Variants in PHTF1 observed in about 807,000 individuals in gnomAD.
The protein encoded by PHTF1 is protein PHTF1.
In PHTF1, 88 loss-of-function variants were observed where a neutral mutation model predicts 102.4. The ratio of observed to expected loss-of-function variants is 0.86; its 90% CI spans 0.72 to 1.03. The LOEUF (loss-of-function observed/expected upper bound fraction) is 1.03, where lower values mean the gene tolerates loss of function less well. Among genes scored for constraint, PHTF1 ranks in the 50% least tolerant of loss-of-function variants. The pLI is 0.00. For missense variants in PHTF1, 814 were observed against 909.5 expected (o/e 0.89, Z 1.35); for synonymous variants, 289 against 305.2 (o/e 0.95, Z 0.55).
intron 3 of PHTF1, among the ~76,000 whole-genome samples, chr1:113,739,437 T>C (rs1255445823): frequency 6.6e-6 from 1 of 152,008 alleles, no homozygotes; most frequent in East Asian, 1.9e-4. Flanking sequence ...AACTTCCATC[T>C]TTTTTTTGCT....
chr1:113,715,962 G>C (rs1651949769), intron 7 of PHTF1, among the ~76,000 whole-genome samples: 1 of 151,948 alleles, frequency 6.6e-6, no homozygotes, highest in Admixed American at 6.6e-5. Flanking sequence ...ACACCTAAAA[G>C]ATCTGGAAAA....
intron 3 of PHTF1, among the ~76,000 whole-genome samples, chr1:113,745,283 T>C (rs901492292): frequency 2.0e-5 from 3 of 151,976 alleles, no homozygotes; most frequent in Admixed American, 6.6e-5. Flanking sequence ...GTTTTAAGTA[T>C]GAGAAAAATA....
intron 15 of PHTF1, among the ~76,000 whole-genome samples, chr1:113,703,445 G>A (rs1333088928): frequency 2.0e-5 from 3 of 152,170 alleles, no homozygotes; most frequent in Non-Finnish European, 4.4e-5. Context: ...TACAGGAGGG[G>A]GTTTCTAGGG....
intron 10 of PHTF1, 144 bp from the exon 11 acceptor site, chr1:113,710,619 T>G (rs1650923935): frequency 4.7e-6 from 3 of 639,862 alleles, no homozygotes; most frequent in Non-Finnish European, 8.1e-6. Flanking sequence ...TCACAGGGCT[T>G]CACGTAACAA....
intron 3 of PHTF1, among the ~76,000 whole-genome samples, chr1:113,744,683 A>T (rs978378096): frequency 6.6e-6 from 1 of 152,190 alleles, no homozygotes; most frequent in East Asian, 1.9e-4. Context: ...AACACATATG[A>T]TCATGCCTGC....
chr1:113,697,471 T>C lies in PHTF1; in HGVS notation c.*234A>G, dbSNP rs1648921668. On this transcript the variant is annotated 3_prime_UTR_variant, in exon 19 of 19. Transcript: ENST00000369604. Reference sequence around the variant, plus strand: ...TTACCACAACACACACAGTCTTTAGTCAGCTGACTATTCATGTTGTTTGAA... The same window carrying C: ...TTACCACAACACACACAGTCTTTAGCCAGCTGACTATTCATGTTGTTTGAA... 1 of 455,114 alleles carries C rather than the reference T, an allele frequency of 2.2e-6. No homozygotes were observed. Among genetic ancestry groups the C allele is most frequent in the Admixed American group, 3.9e-5 (1 of 25,760 alleles). The allele number at this position is 455,114 out of a possible 1,614,324, so 28.2% of individuals were successfully genotyped here.
intron 3 of PHTF1, among the ~76,000 whole-genome samples, chr1:113,751,775 G>T (rs545424880): frequency 1.3e-5 from 2 of 152,312 alleles, no homozygotes; most frequent in South Asian, 4.1e-4. Flanking sequence ...CATGTGAGAA[G>T]TACATATTTA....
At position 113,724,870 on chromosome 1, in the gene PHTF1, C is replaced by T. The variant is rs781401874; in HGVS notation, c.512G>A (p.Gly171Asp). The T allele has an allele frequency of 6.2e-7, 1 of 1,600,134 alleles. No individual in the cohort carries two copies. The highest frequency in any genetic ancestry group is 8.5e-7 in the Non-Finnish European group (1 of 1,174,548). ...ATTTCCATTTTCTCGGCTCCCATCA[C>T]CATTTACAGTTTTTCGTAATTTTCT... ...RRRKLRKTVN[G>D]DGSRENGNNS... Residue 171 changes from glycine (G) to aspartate (D), a missense_variant, in exon 7 of 19, where the codon GGT becomes GAT. Gly to Asp is a moderately conservative substitution (Grantham distance 94, BLOSUM62 -1). Transcript: ENST00000369604.
chr1:113,717,959 A>G (rs1381311058), intron 7 of PHTF1, among the ~76,000 whole-genome samples: 1 of 152,074 alleles, frequency 6.6e-6, no homozygotes, highest in Non-Finnish European at 1.5e-5. Context: ...ATGTCCTCAC[A>G]TTTCAAAACC....
chr1:113,704,617 A>G, intron 14 of PHTF1, 49 bp downstream of exon 14: 1 of 1,402,000 alleles, frequency 7.1e-7, no homozygotes, highest in Admixed American at 2.1e-5. Flanking sequence ...CAGGAGCTTC[A>G]GTGAGCATAT....
At chr1:113,723,943 A>G (rs1305407669) in intron 7 of PHTF1, among the ~76,000 whole-genome samples, 2 of 152,234 alleles carry the variant, frequency 1.3e-5, no homozygotes, top group Non-Finnish European at 2.9e-5. Flanking sequence ...TAATAATCTG[A>G]TTTTAAAATG....
At chr1:113,702,765 T>C (rs1649595815) in intron 15 of PHTF1, among the ~76,000 whole-genome samples, 3 of 152,106 alleles carry the variant, frequency 2.0e-5, no homozygotes, top group South Asian at 4.1e-4. Flanking sequence ...TAGACAAAGA[T>C]ATAACATGTA....
intron 3 of PHTF1, among the ~76,000 whole-genome samples, chr1:113,743,871 C>T (rs1557964202): frequency 6.6e-6 from 1 of 152,208 alleles, no homozygotes; most frequent in Non-Finnish European, 1.5e-5. Context: ...TTATTATCCT[C>T]ACTTTACGGA....
At chr1:113,707,176 C>T (rs548701600) in intron 11 of PHTF1, among the ~76,000 whole-genome samples, 21 of 152,044 alleles carry the variant, frequency 1.4e-4, no homozygotes, top group South Asian at 1.2e-3. Context: ...TCTAGAGCTA[C>T]GAGATTACAC....
At chr1:113,698,063 T>G (rs1052102304) in intron 18 of PHTF1, among the ~76,000 whole-genome samples, 199 bp downstream of exon 18, 2 of 152,136 alleles carry the variant, frequency 1.3e-5, no homozygotes, top group African/African-American at 2.4e-5. Context: ...GTTATATTTG[T>G]GTAAAATGAG....
At chr1:113,750,357 A>G (rs1370256846) in intron 3 of PHTF1, among the ~76,000 whole-genome samples, 1 of 152,154 alleles carries the variant, frequency 6.6e-6, no homozygotes, top group East Asian at 1.9e-4. Flanking sequence ...AAAACATTAT[A>G]AATACAGCTG....
Position 113,706,151 on chromosome 1 carries a change from A to G in PHTF1, c.1410T>C (p.Tyr470=), listed in dbSNP as rs1167656042. The change falls in exon 13 of 19, where the codon TAT becomes TAC. Residue 470 remains tyrosine (Y), a synonymous_variant. Coordinates refer to ENST00000369604, the MANE Select transcript of PHTF1 (RefSeq NM_001323043.2). ...SGIIMSRVNA[Y]QQGVGYQMLG... ...GCATCTGATAACCTACTCCTTGCTGATAGGCATTGACCTGTGAATTAATTT... is the reference window on the plus strand; with the variant it reads ...GCATCTGATAACCTACTCCTTGCTGGTAGGCATTGACCTGTGAATTAATTT... 29 of 1,611,460 alleles carry G rather than the reference A, an allele frequency of 1.8e-5. No individual in the cohort carries two copies. The highest frequency in any genetic ancestry group is 2.4e-5 in the Non-Finnish European group (28 of 1,178,494).
chr1:113,724,430 T>C (rs933350976), intron 7 of PHTF1, among the ~76,000 whole-genome samples: 1 of 151,362 alleles, frequency 6.6e-6, no homozygotes, highest in Non-Finnish European at 1.5e-5. Flanking sequence ...TCCCAGCTAT[T>C]CTCAGAAGGC....
At position 113,757,841 on chromosome 1, in the gene PHTF1, A is replaced by T. The variant is rs1010235631; in HGVS notation, c.46-86T>A. 25 of 842,026 alleles carry T rather than the reference A, an allele frequency of 3.0e-5. 1 individual carries two copies. The highest frequency in any genetic ancestry group is 6.2e-6 in the Non-Finnish European group (3 of 485,176). 52.2% of individuals were successfully genotyped at this position (842,026 alleles called of 1,614,324 possible). A position where few individuals can be genotyped will look rare whatever the true frequency, so the allele number is the denominator to read the frequency against. On this transcript the variant is annotated intron_variant, in intron 2 of 18. Transcript: ENST00000369604. Reference sequence around the variant, plus strand: ...CAAGCCTCATAAAAGTCATGAGCCTATTAAGTATCAATATGCTATGTGGAA... The same window carrying T: ...CAAGCCTCATAAAAGTCATGAGCCTTTTAAGTATCAATATGCTATGTGGAA...
Sources: allele counts gnomAD v4.1 joint callset (sites outside exome capture counted in the v4.1 genomes callset), GRCh38; gene constraint gnomAD v4.1.1; transcripts MANE v1.5; gene names NCBI Gene and HGNC (gene_info 2026-07-23, HGNC 2026-07-21).